The following HSD17B3 variants were observed in gnomAD, a reference collection of about 807,000 sequenced individuals.
HSD17B3 encodes hydroxysteroid 17-beta dehydrogenase 3.
A neutral mutation model predicts 41.1 loss-of-function variants in HSD17B3; 29 were observed. That is an observed-to-expected ratio of 0.71 (90% CI 0.53 to 0.96). The LOEUF is 0.96. HSD17B3 is among the 40% of genes least tolerant of loss of function. The pLI is 0.00. For missense variants in HSD17B3, 323 were observed against 374.6 expected, an observed-to-expected ratio of 0.86 and a Z score of 1.14; for synonymous variants, 126 against 145.6, an observed-to-expected ratio of 0.87 and a Z score of 0.97.
intron 1 of HSD17B3, among the ~76,000 whole-genome samples, chr9:96,301,216 T>C (rs1827586043): frequency 6.6e-6 from 1 of 152,018 alleles, no homozygotes; most frequent in Non-Finnish European, 1.5e-5. Context: ...CCAATTAAAA[T>C]TACCCAAAGG....
intron 2 of HSD17B3, among the ~76,000 whole-genome samples, chr9:96,296,218 C>T (rs1481372797): frequency 1.3e-5 from 2 of 152,002 alleles, no homozygotes; most frequent in African/African-American, 4.8e-5. Flanking sequence ...TGCACTCCAG[C>T]CTGAGCAACA....
At chr9:96,258,189 A>G (rs1825738387) in intron 2 of HSD17B3, among the ~76,000 whole-genome samples, 1 of 152,194 alleles carries the variant, frequency 6.6e-6, no homozygotes, top group Non-Finnish European at 1.5e-5. Flanking sequence ...CATACATTAT[A>G]TACTACTTGT....
intron 2 of HSD17B3, among the ~76,000 whole-genome samples, chr9:96,264,331 TGG>T (rs1304651976): frequency 6.9e-6 from 1 of 144,642 alleles, no homozygotes; most frequent in Non-Finnish European, 1.5e-5. Context: ...GGAATAGAAA[TGG>T]GGGGTGGGAA....
chr9:96,253,864 T>A (rs978510999), intron 3 of HSD17B3, among the ~76,000 whole-genome samples: 1 of 152,140 alleles, frequency 6.6e-6, no homozygotes, highest in Non-Finnish European at 1.5e-5. Context: ...TTACTTCTGA[T>A]ATCCAGACAC....
Position 96,250,114 on chromosome 9 carries a change from G to A in HSD17B3, c.454-328C>T, listed in dbSNP as rs1836834932. The A allele has an allele frequency of 2.3e-6, 3 of 1,318,894 alleles. No homozygotes were observed. The East Asian group carries it at 9.2e-5, about 41-fold the overall frequency. 81.7% of individuals were successfully genotyped at this position (1,318,894 alleles called of 1,614,324 possible). On this transcript the variant is annotated intron_variant, in intron 5 of 10. Coordinates refer to ENST00000375263, the MANE Select transcript of HSD17B3 (RefSeq NM_000197.2). ...ACTCCATTCTCAGCTGGAGGAAGAG[G>A]GGTTAGCCTATGTGAGTCCAGGAGA...
chr9:96,249,669 G>A, intron 6 of HSD17B3, 82 bp downstream of exon 6: 1 of 1,247,106 alleles, frequency 8.0e-7, no homozygotes, highest in Non-Finnish European at 1.2e-6. Context: ...TGCTTCTACA[G>A]TGGATGGGCA....
chr9:96,270,600 G>C (rs778699984), intron 2 of HSD17B3, among the ~76,000 whole-genome samples: 5 of 152,240 alleles, frequency 3.3e-5, no homozygotes, highest in African/African-American at 9.6e-5. Context: ...TATTTTTCTT[G>C]GGTTGGTCTG....
At chr9:96,253,365 C>T (rs1229748834) in intron 3 of HSD17B3, among the ~76,000 whole-genome samples, 2 of 152,226 alleles carry the variant, frequency 1.3e-5, no homozygotes, top group East Asian at 1.9e-4. Context: ...AAAGCAAGGT[C>T]TGACACTGCC....
At chr9:96,276,701 G>T (rs377237144) in intron 2 of HSD17B3, among the ~76,000 whole-genome samples, 1 of 152,138 alleles carries the variant, frequency 6.6e-6, no homozygotes, top group African/African-American at 2.4e-5. Context: ...CTAGATATCC[G>T]CATGCAGAAA....
intron 5 of HSD17B3, 84 bp from the exon 6 acceptor site, chr9:96,249,870 A>C (rs954844104): frequency 1.9e-6 from 3 of 1,610,912 alleles, no homozygotes; most frequent in Non-Finnish European, 1.7e-6. Context: ...AGAACCATGA[A>C]GTGGGCAAAA....
chr9:96,246,401 T>C, intron 7 of HSD17B3, 155 bp downstream of exon 7: 5 of 739,650 alleles, frequency 6.8e-6, no homozygotes, highest in Non-Finnish European at 1.2e-5. Context: ...CAGAACGTTA[T>C]GTTTTTTTTC....
chr9:96,297,419 T>A (rs1417299732), intron 2 of HSD17B3, among the ~76,000 whole-genome samples: 3 of 143,126 alleles, frequency 2.1e-5, no homozygotes, highest in Admixed American at 7.5e-5. Flanking sequence ...CGATCTCAGC[T>A]CACTGCAACC....
In HSD17B3 at chr9:96,300,562, G is replaced by C. The variant is rs1233060014; in HGVS notation, c.154+1389C>G. ...ATTAGAATCTTTCCTATTTTGCCTA[G>C]ATAATATCTCTAAAGTCACTTAATC... On this transcript the variant is annotated intron_variant, in intron 1 of 10. Coordinates refer to ENST00000375263, the MANE Select transcript of HSD17B3 (RefSeq NM_000197.2). Among the ~76,000 whole-genome samples, 2 of 103,764 alleles carry C rather than the reference G, an allele frequency of 1.9e-5. 1 individual carries two copies. The highest frequency in any genetic ancestry group is 4.1e-5 in the Non-Finnish European group (2 of 48,298). The allele number at this position is 103,764 out of a possible 152,430, so 68.1% of individuals were successfully genotyped here. A position where few individuals can be genotyped will look rare whatever the true frequency, so the allele number is the denominator to read the frequency against.
intron 2 of HSD17B3, among the ~76,000 whole-genome samples, chr9:96,269,510 C>T (rs560320786): frequency 4.9e-4 from 75 of 152,272 alleles, no homozygotes; most frequent in African/African-American, 1.8e-3. Context: ...GAATAGAATA[C>T]TATATGTACT....
intron 2 of HSD17B3, among the ~76,000 whole-genome samples, chr9:96,259,109 C>T (rs947511279): frequency 6.6e-6 from 1 of 152,080 alleles, no homozygotes; most frequent in Non-Finnish European, 1.5e-5. Context: ...AGAAGTGACC[C>T]GCATCCTTTC....
intron 1 of HSD17B3, among the ~76,000 whole-genome samples, chr9:96,300,133 T>C (rs1827521379): frequency 6.6e-6 from 1 of 151,016 alleles, no homozygotes; most frequent in Non-Finnish European, 1.5e-5. Flanking sequence ...GTGGGGTATT[T>C]AAATCCAGAA....
intron 1 of HSD17B3, among the ~76,000 whole-genome samples, chr9:96,298,895 T>C (rs1467285279): frequency 2.6e-5 from 4 of 152,052 alleles, no homozygotes; most frequent in Non-Finnish European, 5.9e-5. Flanking sequence ...CATTTCAAGG[T>C]TCCTTCTAAA....
chr9:96,269,163 T>A (rs1329088781), intron 2 of HSD17B3, among the ~76,000 whole-genome samples: 1 of 152,212 alleles, frequency 6.6e-6, no homozygotes, highest in African/African-American at 2.4e-5. Flanking sequence ...GACATGGGAC[T>A]GTACTGAATA....
chr9:96,249,572 G>A, intron 6 of HSD17B3, 179 bp downstream of exon 6: 1 of 648,708 alleles, frequency 1.5e-6, no homozygotes, highest in Non-Finnish European at 2.8e-6. Context: ...ATCCATTACT[G>A]TATTTTCTAG....
Sources: gnomAD v4.1 joint callset for allele counts (sites outside exome capture counted in the v4.1 genomes callset) on GRCh38, gnomAD v4.1.1 for gene constraint, MANE v1.5 for transcripts, NCBI Gene and HGNC (gene_info 2026-07-23, HGNC 2026-07-21) for gene names.